CSMD3: variants seen among roughly 807,000 people sequenced by gnomAD.
CSMD3 encodes the protein CUB and Sushi multiple domains 3.
Under a neutral mutation model 435.2 loss-of-function variants are expected in CSMD3, and 177 were observed. The observed-to-expected ratio is 0.41, with a 90% CI of 0.36 to 0.46. CSMD3 has a LOEUF of 0.46. Ranked by LOEUF, CSMD3 falls within the 20% of genes least tolerant of loss-of-function variation. CSMD3 has a pLI of 0.34. For synonymous variants in CSMD3, 1,656 were observed against 1,520.5 expected (o/e 1.09, Z -2.07); for missense variants, 4,265 against 4,504.6 (o/e 0.95, Z 1.52).
chr8:113,405,264 TA>T (rs1478045904), intron 1 of CSMD3, among the ~76,000 whole-genome samples: 1 of 151,610 alleles, frequency 6.6e-6, no homozygotes, highest in African/African-American at 2.4e-5. Context: ...TGTATCAGGA[TA>T]TTTTTGAGTT....
intron 5 of CSMD3, among the ~76,000 whole-genome samples, chr8:113,073,973 T>G (rs2089238750): frequency 6.6e-6 from 1 of 151,806 alleles, no homozygotes; most frequent in Non-Finnish European, 1.5e-5. Context: ...CGTACATGTC[T>G]CTCTGAATCT....
chr8:112,999,465 A>G (rs965010763), intron 6 of CSMD3, among the ~76,000 whole-genome samples: 1 of 151,858 alleles, frequency 6.6e-6, no homozygotes, highest in East Asian at 1.9e-4. Context: ...GAAGTCAGAG[A>G]CGTAAGTTAG....
intron 3 of CSMD3, among the ~76,000 whole-genome samples, chr8:113,205,846 A>C (rs978069439): frequency 2.0e-5 from 3 of 152,220 alleles, no homozygotes; most frequent in African/African-American, 7.2e-5. Context: ...TTAGAATTGC[A>C]GTTTACAAGT....
At chr8:112,629,780 A>G (rs976957343) in intron 22 of CSMD3, among the ~76,000 whole-genome samples, 2 of 152,164 alleles carry the variant, frequency 1.3e-5, no homozygotes, top group African/African-American at 4.8e-5. Flanking sequence ...GTTGAACCCC[A>G]TGATACCTGT....
At chr8:112,247,865 C>A (rs879470748) in intron 63 of CSMD3, among the ~76,000 whole-genome samples, 1 of 151,888 alleles carries the variant, frequency 6.6e-6, no homozygotes, top group East Asian at 1.9e-4. Context: ...CTAAAGTTTG[C>A]AAAAGACTTA....
intron 22 of CSMD3, among the ~76,000 whole-genome samples, chr8:112,602,025 G>C (rs1431773007): frequency 1.3e-5 from 2 of 152,120 alleles, no homozygotes; most frequent in African/African-American, 4.8e-5. Context: ...GGAGCAGATA[G>C]CTTCCTGTGC....
chr8:112,609,474 A>G (rs1833082193), intron 22 of CSMD3, among the ~76,000 whole-genome samples: 1 of 152,128 alleles, frequency 6.6e-6, no homozygotes, highest in African/African-American at 2.4e-5. Flanking sequence ...ATACCACCTC[A>G]CATCTGTTAG....
At chr8:113,159,371 C>A (rs185648701) in intron 4 of CSMD3, among the ~76,000 whole-genome samples, 108 of 151,940 alleles carry the variant, frequency 7.1e-4, no homozygotes, top group Middle Eastern at 3.4e-3. Flanking sequence ...CACTTCCTGA[C>A]CAAAATTCTT....
chr8:112,355,094 C>A (rs1826467305), intron 38 of CSMD3, among the ~76,000 whole-genome samples: 1 of 152,118 alleles, frequency 6.6e-6, no homozygotes, highest in Non-Finnish European at 1.5e-5. Flanking sequence ...CAGAAACAAG[C>A]CATGGGGAAA....
At position 112,513,713 on chromosome 8, in the gene CSMD3, C is replaced by A. The variant is rs558685016; in HGVS notation, c.4756+3321G>T. On this transcript the variant is annotated intron_variant, in intron 28 of 70. Transcript: ENST00000297405. ...TTGTAAAAAAACGTAATATCTGTGG[C>A]ATGCAATAAAGTGAACTGTAATAAA... Among the ~76,000 whole-genome samples, 3 of 152,218 alleles carry A rather than the reference C, an allele frequency of 2.0e-5. No homozygotes were observed. In the South Asian group the frequency reaches 6.2e-4, roughly 32 times the overall value.
intron 18 of CSMD3, among the ~76,000 whole-genome samples, chr8:112,653,300 ATGTTTC>A (rs1281450510): frequency 6.6e-6 from 1 of 152,154 alleles, no homozygotes; most frequent in Middle Eastern, 3.2e-3. Flanking sequence ...TGAACATTTT[ATGTTTC>A]TGTTTCTACT....
chr8:112,790,951 C>T (rs952715301), intron 13 of CSMD3, among the ~76,000 whole-genome samples: 2 of 152,038 alleles, frequency 1.3e-5, no homozygotes, highest in African/African-American at 2.4e-5. Flanking sequence ...GAACAATAAA[C>T]CACTCATATT....
At chr8:113,307,795 T>C (rs1245296054) in intron 2 of CSMD3, among the ~76,000 whole-genome samples, 1 of 152,112 alleles carries the variant, frequency 6.6e-6, no homozygotes, top group Non-Finnish European at 1.5e-5. Context: ...AAGTGCAAAA[T>C]AATACCACAA....
Position 112,594,368 on chromosome 8 carries a change from C to T in CSMD3, c.3716-7133G>A, listed in dbSNP as rs537522452. Among the ~76,000 whole-genome samples the T allele has an allele frequency of 2.2e-3, 336 of 152,192 alleles. 3 individuals carry two copies. The highest frequency in any genetic ancestry group is 6.8e-3 in the African/African-American group (283 of 41,530). On this transcript the variant is annotated intron_variant, in intron 22 of 70. Coordinates refer to ENST00000297405, the MANE Select transcript of CSMD3 (RefSeq NM_198123.2). ...CCCGCACCCGGCTCGGAGGGTCCTA[C>T]GCCCACAGAGTCTCGCTGATTGCTA...
chr8:113,055,380 C>G (rs1232931209), intron 5 of CSMD3, among the ~76,000 whole-genome samples: 12 of 152,152 alleles, frequency 7.9e-5, no homozygotes, highest in Non-Finnish European at 2.9e-5. Context: ...TACTATTAAA[C>G]TCTCATTTTT....
intron 10 of CSMD3, among the ~76,000 whole-genome samples, chr8:112,870,349 A>G (rs575762113): frequency 5.9e-5 from 9 of 151,466 alleles, no homozygotes; most frequent in Non-Finnish European, 1.0e-4. Flanking sequence ...GCTCACTGCA[A>G]GCTCCACCTC....
chr8:112,563,032 G>A (rs1258018471), intron 24 of CSMD3, among the ~76,000 whole-genome samples: 2 of 151,618 alleles, frequency 1.3e-5, no homozygotes, highest in African/African-American at 4.8e-5. Flanking sequence ...AAAGCAGAAT[G>A]TCAACTGTGC....
chr8:112,944,401 CT>C (rs1162327518), intron 9 of CSMD3, among the ~76,000 whole-genome samples: 2 of 151,676 alleles, frequency 1.3e-5, no homozygotes, highest in Non-Finnish European at 1.5e-5. Flanking sequence ...TCTACCCTCT[CT>C]TTCCAATGCC....
chr8:112,967,654 C>A (rs2084474416), intron 7 of CSMD3, among the ~76,000 whole-genome samples: 1 of 151,750 alleles, frequency 6.6e-6, no homozygotes, highest in Admixed American at 6.6e-5. Context: ...TATCATATAG[C>A]CTATTTTGAT....
Sources: allele counts gnomAD v4.1 joint callset (sites outside exome capture counted in the v4.1 genomes callset), GRCh38; gene constraint gnomAD v4.1.1; transcripts MANE v1.5; gene names NCBI Gene and HGNC (gene_info 2026-07-23, HGNC 2026-07-21).